ANO4: variants seen among roughly 807,000 people sequenced by gnomAD.
ANO4 encodes anoctamin 4, also known as anoctamin-4.
Under a neutral mutation model 141.9 loss-of-function variants are expected in ANO4, and 69 were observed. The ratio of observed to expected loss-of-function variants is 0.49; its 90% CI spans 0.40 to 0.59. ANO4 has a LOEUF of 0.59. Ranked by LOEUF, ANO4 falls within the 20% of genes least tolerant of loss-of-function variation. The pLI is 0.00. For missense variants in ANO4, 894 were observed against 1,162.2 expected (o/e 0.77, Z 3.36); for synonymous variants, 350 against 394.3 (o/e 0.89, Z 1.33).
chr12:100,924,420 T>G (rs77549055), intron 3 of ANO4, among the ~76,000 whole-genome samples: 5,311 of 152,214 alleles, frequency 0.035, 137 homozygotes, highest in Non-Finnish European at 0.05. Flanking sequence ...GATGGCTGTT[T>G]GTTCCTTCAT....
At chr12:100,807,718 CT>C (rs1319921735) in intron 1 of ANO4, among the ~76,000 whole-genome samples, 2 of 152,162 alleles carry the variant, frequency 1.3e-5, no homozygotes, top group Admixed American at 6.5e-5. Context: ...CCCTCCGCCC[CT>C]GACAGGCCCC....
intron 1 of ANO4, among the ~76,000 whole-genome samples, chr12:100,824,685 T>C (rs2036234602): frequency 6.6e-6 from 1 of 152,000 alleles, no homozygotes; most frequent in Non-Finnish European, 1.5e-5. Flanking sequence ...TAAAGCAACA[T>C]TGGCAGCCAG....
chr12:100,797,668 T>A (rs1382487312), intron 1 of ANO4, among the ~76,000 whole-genome samples: 1 of 152,204 alleles, frequency 6.6e-6, no homozygotes, highest in African/African-American at 2.4e-5. Context: ...TTACACTCTT[T>A]AATTACAACT....
intron 8 of ANO4, among the ~76,000 whole-genome samples, chr12:100,993,129 C>T (rs2045215832): frequency 6.6e-6 from 1 of 152,134 alleles, no homozygotes; most frequent in Non-Finnish European, 1.5e-5. Flanking sequence ...GTTGAGGCTG[C>T]AGTGAGTTAT....
Position 101,021,089 on chromosome 12 carries a change from C to G in ANO4, c.841+949C>G, listed in dbSNP as rs535222650. On this transcript the variant is annotated intron_variant, in intron 9 of 27. Transcript: ENST00000392977. ...GCAGCTACCACCTCTGAGAAGACTC[C>G]TCGCTACAATGCTAAGCTGCAGATC... Among the ~76,000 whole-genome samples, 8 of 152,266 alleles carry G rather than the reference C, an allele frequency of 5.3e-5. 1 individual carries two copies. Among genetic ancestry groups the G allele is most frequent in the African/African-American group, 1.9e-4 (8 of 41,550 alleles).
intron 3 of ANO4, among the ~76,000 whole-genome samples, chr12:100,755,830 T>C (rs2135511233): frequency 6.6e-6 from 1 of 152,308 alleles, no homozygotes; most frequent in African/African-American, 2.4e-5. Context: ...CTCCCTTTGC[T>C]ATCCAAAGTC....
At position 100,853,124 on chromosome 12, in the gene ANO4, C is replaced by T. The variant is rs117805197; in HGVS notation, c.-140-48522C>T. Reference sequence around the variant, plus strand: ...TGAGCTGCCTGTTCAAGTCTCTTGACCATTTTTCTACTTAATTATAATCTT... The same window carrying T: ...TGAGCTGCCTGTTCAAGTCTCTTGATCATTTTTCTACTTAATTATAATCTT... On this transcript the variant is annotated intron_variant, in intron 1 of 27. Coordinates refer to ENST00000392977, the MANE Select transcript of ANO4 (RefSeq NM_001286615.2). Among the ~76,000 whole-genome samples, 14 of 152,178 alleles carry T rather than the reference C, an allele frequency of 9.2e-5. No homozygotes were observed. The East Asian group carries it at 2.3e-3, about 25-fold the overall frequency.
intron 9 of ANO4, among the ~76,000 whole-genome samples, chr12:101,023,925 T>G (rs893779093): frequency 6.6e-6 from 1 of 152,222 alleles, no homozygotes; most frequent in Non-Finnish European, 1.5e-5. Flanking sequence ...ATTTTCTGCC[T>G]GAAACTCTTT....
At chr12:100,965,238 T>A (rs2043600597) in intron 5 of ANO4, among the ~76,000 whole-genome samples, 1 of 152,120 alleles carries the variant, frequency 6.6e-6, no homozygotes, top group Non-Finnish European at 1.5e-5. Context: ...AAATAACCTC[T>A]TCATCATTCT....
At chr12:100,736,587 A>G (rs966716564) in intron 2 of ANO4, among the ~76,000 whole-genome samples, 1 of 152,136 alleles carries the variant, frequency 6.6e-6, no homozygotes, top group Non-Finnish European at 1.5e-5. Flanking sequence ...TTGGGTTGAA[A>G]TGTATCCCCC....
In ANO4 at chr12:100,953,285, A is replaced by G. The variant is rs74491331; in HGVS notation, c.456+10750A>G. On this transcript the variant is annotated intron_variant, in intron 5 of 27. Coordinates refer to ENST00000392977, the MANE Select transcript of ANO4 (RefSeq NM_001286615.2). ...ATGACACTAATTATTCATTAATGGC[A>G]TGGAGAGATTTAAAAGCTTTGAAGC... Among the ~76,000 whole-genome samples, 61 of 152,360 alleles carry G rather than the reference A, an allele frequency of 4.0e-4. No homozygotes were observed. The East Asian group carries it at 0.01, about 26-fold the overall frequency.
rs928315818 is a variant in ANO4 at position 100,966,804 on chromosome 12, T to TAC, written c.457-4490_457-4489dup. ...ATATATACACACACATGTATATATATACACACACACACATATATATATACA... is the reference window on the plus strand; with the variant it reads ...ATATATACACACACATGTATATATATACACACACACACACATATATATATACA... On this transcript the variant is annotated intron_variant, in intron 5 of 27. Transcript: ENST00000392977. Among the ~76,000 whole-genome samples, 43 of 147,708 alleles carry TAC rather than the reference T, an allele frequency of 2.9e-4. No individual in the cohort carries two copies. In the East Asian group the frequency reaches 3.2e-3, roughly 11 times the overall value.
chr12:101,096,298 A>T (rs1246367884), intron 18 of ANO4, among the ~76,000 whole-genome samples: 2 of 152,114 alleles, frequency 1.3e-5, no homozygotes, highest in African/African-American at 4.8e-5. Flanking sequence ...TAGGTATTCA[A>T]TTCTATCAGA....
At chr12:100,892,814 G>C (rs1336416025) in intron 1 of ANO4, among the ~76,000 whole-genome samples, 1 of 151,324 alleles carries the variant, frequency 6.6e-6, no homozygotes, top group East Asian at 1.9e-4. Flanking sequence ...TTCTATCCGA[G>C]GTTGGTTTAT....
chr12:100,889,546 G>GA (rs1030648534), intron 1 of ANO4, among the ~76,000 whole-genome samples: 3 of 152,106 alleles, frequency 2.0e-5, no homozygotes, highest in South Asian at 4.2e-4. Flanking sequence ...AAATTTACAA[G>GA]AAAAAAACAA....
At chr12:100,777,490 G>A (rs1339360353) in intron 3 of ANO4, among the ~76,000 whole-genome samples, 1 of 151,692 alleles carries the variant, frequency 6.6e-6, no homozygotes, top group Non-Finnish European at 1.5e-5. Flanking sequence ...AAAGCCATGA[G>A]AAGGAGGCAG....
intron 2 of ANO4, among the ~76,000 whole-genome samples, chr12:100,916,385 GTCT>G (rs142048185): frequency 0.035 from 5,290 of 152,128 alleles, 132 homozygotes; most frequent in Non-Finnish European, 0.05. Context: ...AAATCAGAGC[GTCT>G]TCTTAGTTTA....
At chr12:100,954,161 C>T (rs1012354648) in intron 5 of ANO4, among the ~76,000 whole-genome samples, 3 of 152,130 alleles carry the variant, frequency 2.0e-5, no homozygotes, top group Non-Finnish European at 4.4e-5. Context: ...GCCCCTCTTT[C>T]ATTCAGGGTT....
At position 100,971,344 on chromosome 12, in the gene ANO4, G is replaced by C; in HGVS notation, c.495G>C (p.Leu165Phe). The C allele has an allele frequency of 6.2e-7, 1 of 1,611,940 alleles. No homozygotes were observed. The highest frequency in any genetic ancestry group is 8.5e-7 in the Non-Finnish European group (1 of 1,178,418). ...ATAGTGACATTATCTTTGTGAAGTT[G>C]CATGCCCCATGGGAAGTCCTTGGAA... ...LINSDIIFVK[L>F]HAPWEVLGRY... is the part of the protein sequence containing the mutation. The change falls in exon 6 of 28, where the codon TTG (leucine) becomes TTC (phenylalanine). Residue 165 changes from leucine (L) to phenylalanine (F), a missense_variant. Transcript: ENST00000392977.
Sources: gnomAD v4.1 joint callset for allele counts (sites outside exome capture counted in the v4.1 genomes callset) on GRCh38, gnomAD v4.1.1 for gene constraint, MANE v1.5 for transcripts, NCBI Gene and HGNC (gene_info 2026-07-23, HGNC 2026-07-21) for gene names.